Variants in ACAD8 observed in about 807,000 individuals in gnomAD.
ACAD8 encodes the protein isobutyryl-CoA dehydrogenase, mitochondrial.
ACAD8 carries 47 observed loss-of-function variants against 53.1 expected under a neutral mutation model. The observed-to-expected ratio is 0.89, with a 90% CI of 0.70 to 1.13. ACAD8 has a LOEUF of 1.13. Among genes scored for constraint, ACAD8 ranks in the 50% most tolerant of loss-of-function variants. The pLI is 0.00. For synonymous variants in ACAD8, 198 were observed against 201.3 expected (o/e 0.98, Z 0.14); for missense variants, 494 against 535.0 (o/e 0.92, Z 0.76).
At position 134,264,894 on chromosome 11, in the gene ACAD8, C is replaced by T; in HGVS notation, c.1196-14C>T. ...TGCTGCTGTGAAATTCTTCCTCCTT[C>T]CTCCCTCTTACAGGTAGCAATGAAG... On this transcript the variant is annotated splice_polypyrimidine_tract_variant and intron_variant, in intron 10 of 10. Transcript: ENST00000281182. The T allele has an allele frequency of 6.2e-7, 1 of 1,613,688 alleles. No individual in the cohort carries two copies. Among genetic ancestry groups the T allele is most frequent in the Middle Eastern group, 1.7e-4 (1 of 6,058 alleles).
chr11:134,256,696 G>A, intron 2 of ACAD8, 48 bp downstream of exon 2: 1 of 1,511,056 alleles, frequency 6.6e-7, no homozygotes, highest in East Asian at 2.3e-5. Context: ...GATGTCTCAG[G>A]CAGACCTTTA....
chr11:134,255,255 G>A (rs1250759350), intron 1 of ACAD8, among the ~76,000 whole-genome samples: 1 of 152,066 alleles, frequency 6.6e-6, no homozygotes, highest in African/African-American at 2.4e-5. Flanking sequence ...TTGTGCCTCA[G>A]CCTCCCAAGT....
At position 134,257,148 on chromosome 11, in the gene ACAD8, A is replaced by G. The variant is rs1257948775; in HGVS notation, c.271A>G (p.Ile91Val). The G allele has an allele frequency of 3.1e-6, 5 of 1,614,160 alleles. No individual in the cohort carries two copies. Among genetic ancestry groups the G allele is most frequent in the East Asian group, 2.2e-5 (1 of 44,860 alleles). ...AAQLGFGGVY[I>V]QTDVGGSGLS... Reference sequence around the variant, plus strand: ...CCAGCTAGGCTTCGGAGGGGTCTACATACAAACAGATGTGGGCGGGTCTGG... The same window carrying G: ...CCAGCTAGGCTTCGGAGGGGTCTACGTACAAACAGATGTGGGCGGGTCTGG... The change falls in exon 3 of 11, where the codon ATA (isoleucine) becomes GTA (valine). Residue 91 changes from isoleucine (I) to valine (V), a missense_variant. By Grantham distance (29) the Ile-to-Val change is conservative. Coordinates refer to ENST00000281182, the MANE Select transcript of ACAD8 (RefSeq NM_014384.3).
intron 3 of ACAD8, 175 bp from the exon 4 acceptor site, chr11:134,258,340 T>G (rs543930354): frequency 3.1e-6 from 2 of 655,094 alleles, no homozygotes; most frequent in African/African-American, 1.8e-5. Flanking sequence ...TCCAGGAATA[T>G]GTTTTAATCC....
rs1330982154 is a variant in ACAD8 at position 134,262,547 on chromosome 11, G to A, written c.1120G>A (p.Gly374Arg). The change falls in exon 10 of 11, where the codon GGG (glycine) becomes AGG (arginine). Residue 374 changes from glycine to arginine, a missense_variant. Transcript: ENST00000281182. Reference protein sequence around the residue: ...AICNQALQMHGGYGYLKDYAV... With the variant: ...AICNQALQMHRGYGYLKDYAV... The stretch of plus-strand genomic sequence containing the variant: ...CTGCAACCAGGCCTTGCAGATGCAC[G>A]GGGGCTACGGCTACCTGAAGGATTA... 19 of 1,613,754 alleles carry A rather than the reference G, an allele frequency of 1.2e-5. No individual in the cohort carries two copies. The highest frequency in any genetic ancestry group is 1.7e-5 in the Admixed American group (1 of 59,996).
In ACAD8 at chr11:134,261,994, C is replaced by T. The variant is rs111590262; in HGVS notation, c.1092+104C>T. On this transcript the variant is annotated intron_variant, in intron 9 of 10. Transcript: ENST00000281182. The surrounding 1 kb of genome is among the most constrained non-coding windows in gnomAD (Gnocchi z 4.2). ...ATTTGGAACCCAGCCCTCCTGGAAT[C>T]CCACAAGGATCACCTTAAGCTTAAG... The T allele has an allele frequency of 3.7e-6, 5 of 1,344,392 alleles. No individual in the cohort carries two copies. The highest frequency in any genetic ancestry group is 5.2e-6 in the Non-Finnish European group (5 of 960,692). The allele number at this position is 1,344,392 out of a possible 1,614,324, so 83.3% of individuals were successfully genotyped here. A position where few individuals can be genotyped will look rare whatever the true frequency, so the allele number is the denominator to read the frequency against.
intron 10 of ACAD8, 66 bp downstream of exon 10, chr11:134,262,688 C>G (rs747573240): frequency 5.7e-5 from 88 of 1,544,632 alleles, no homozygotes; most frequent in Non-Finnish European, 7.4e-5. Flanking sequence ...TTTCCCCACT[C>G]TCTGTCCCCA....
intron 10 of ACAD8, chr11:134,263,465 G>A (rs567556580): frequency 9.2e-4 from 906 of 983,910 alleles, no homozygotes; most frequent in South Asian, 1.6e-3. Flanking sequence ...TCTGCAACAA[G>A]TCTTCAAGTG....
chr11:134,263,293 G>A (rs73043942), intron 10 of ACAD8: 2 of 1,003,040 alleles, frequency 2.0e-6, no homozygotes, highest in Non-Finnish European at 2.4e-6. Context: ...AGGCTGCCTT[G>A]CTGGAAACAT....
intron 9 of ACAD8, chr11:134,262,118 T>C (rs1939916254): frequency 2.0e-5 from 14 of 684,164 alleles, no homozygotes. Flanking sequence ...CACTGTTGTT[T>C]GGTTGTGTTC....
chr11:134,262,284 G>A (rs749830428), intron 9 of ACAD8: 1 of 664,240 alleles, frequency 1.5e-6, no homozygotes, highest in Non-Finnish European at 2.8e-6. Flanking sequence ...CAGGTAATAA[G>A]GGAGAGGGGC....
chr11:134,261,695 A>G lies in ACAD8; in HGVS notation c.940-43A>G, dbSNP rs143851134. 296 of 1,610,228 alleles carry G rather than the reference A, an allele frequency of 1.8e-4. No homozygotes were observed. In the African/African-American group the frequency reaches 3.1e-3, roughly 17 times the overall value. The stretch of plus-strand genomic sequence containing the variant: ...AGGCTCCTGCACCAGGTGCTGGTCT[A>G]AGCCCCTCAGTCTTGTCTGGTTCTC... On this transcript the variant is annotated intron_variant, in intron 8 of 10. Transcript: ENST00000281182. The surrounding 1 kb of genome is among the most constrained non-coding windows in gnomAD (Gnocchi z 4.2).
chr11:134,259,712 C>G lies in ACAD8; in HGVS notation c.672C>G (p.Thr224=), dbSNP rs1291751911. ...CATGCATAGTTGTTGAGAAGGGGACCCCTGGCCTCAGCTTTGGCAAGAAGG... is the reference window on the plus strand; with the variant it reads ...CATGCATAGTTGTTGAGAAGGGGACGCCTGGCCTCAGCTTTGGCAAGAAGG... ...GISCIVVEKG[T]PGLSFGKKEK... is the part of the protein sequence containing the mutation. The change falls in exon 6 of 11, where the codon ACC becomes ACG. Residue 224 remains threonine (T), a synonymous_variant. Transcript: ENST00000281182. The G allele has an allele frequency of 6.2e-7, 1 of 1,614,148 alleles. No individual in the cohort carries two copies. The highest frequency in any genetic ancestry group is 8.5e-7 in the Non-Finnish European group (1 of 1,180,032).
rs1163833601 is a variant in ACAD8 at position 134,256,322 on chromosome 11, CT to C, written c.110-225del. Among the ~76,000 whole-genome samples the C allele has an allele frequency of 6.6e-5, 10 of 152,370 alleles. No homozygotes were observed. In the East Asian group the frequency reaches 1.9e-3, roughly 29 times the overall value. ...AGGATAAGAGATGTCTGGAAGTCCC[CT>C]ATCCTGTTCTAGGTTGATCTGGATG... On this transcript the variant is annotated intron_variant, in intron 1 of 10. Coordinates refer to ENST00000281182, the MANE Select transcript of ACAD8 (RefSeq NM_014384.3).
At chr11:134,258,260 C>CCT in intron 3 of ACAD8, 1 of 543,180 alleles carries the variant, frequency 1.8e-6, no homozygotes, top group South Asian at 2.1e-5. Context: ...GCTCGTGTAA[C>CCT]CTAACTAGAA....
rs750900960 is a variant in ACAD8 at position 134,265,623 on chromosome 11, A to G, written c.*663A>G. 2 of 152,210 alleles carry G rather than the reference A, an allele frequency of 1.3e-5. No homozygotes were observed. Among genetic ancestry groups the G allele is most frequent in the Admixed American group, 6.5e-5 (1 of 15,288 alleles). The allele number at this position is 152,210 out of a possible 1,614,324, so 9.4% of individuals were successfully genotyped here. A position where few individuals can be genotyped will look rare whatever the true frequency, so the allele number is the denominator to read the frequency against. On this transcript the variant is annotated 3_prime_UTR_variant, in exon 11 of 11. Transcript: ENST00000281182. ...AAGAAGCCTGTGGTCTAGGAGTGCT[A>G]TTCAGTGTTTCTTTTCCTGATAAAC...
In ACAD8 at chr11:134,262,540, G is replaced by C. The variant is rs1450910902; in HGVS notation, c.1113G>C (p.Gln371His). 6.2e-7 allele frequency: 1 copy of C among 1,613,848 alleles called. No individual in the cohort carries two copies. The highest frequency in any genetic ancestry group is 1.3e-5 in the African/African-American group (1 of 74,942). Residue 371 changes from glutamine to histidine, a missense_variant, in exon 10 of 11, where the codon CAG becomes CAC. By Grantham distance (24) the Gln-to-His change is conservative (BLOSUM62 0). Coordinates refer to ENST00000281182, the MANE Select transcript of ACAD8 (RefSeq NM_014384.3). The part of the protein sequence containing the change: ...ECFAICNQAL[Q>H]MHGGYGYLKD... The stretch of plus-strand genomic sequence containing the variant: ...TGCAGATCTGCAACCAGGCCTTGCA[G>C]ATGCACGGGGGCTACGGCTACCTGA...
At chr11:134,263,504 A>C in intron 10 of ACAD8, 2 of 985,554 alleles carry the variant, frequency 2.0e-6, no homozygotes, top group Non-Finnish European at 2.4e-6. Context: ...TGAGAACCAC[A>C]CTTTGAGACC....
chr11:134,262,041 G>C, intron 9 of ACAD8, 151 bp downstream of exon 9: 1 of 907,016 alleles, frequency 1.1e-6, no homozygotes, highest in Non-Finnish European at 1.7e-6. Context: ...ACTCATGAGC[G>C]GCCTATGTGG....
Sources: allele counts gnomAD v4.1 joint callset (sites outside exome capture counted in the v4.1 genomes callset), GRCh38; gene constraint gnomAD v4.1.1; non-coding constraint Gnocchi (gnomAD v3.1); transcripts MANE v1.5; gene names NCBI Gene and HGNC (gene_info 2026-07-23, HGNC 2026-07-21).